Variants in SLC28A3 observed in about 807,000 individuals in gnomAD.
SLC28A3 encodes concentrative Na(+)-nucleoside cotransporter 3.
A neutral mutation model predicts 84.2 loss-of-function variants in SLC28A3; 68 were observed. The ratio of observed to expected loss-of-function variants is 0.81; its 90% CI spans 0.66 to 0.99. The LOEUF (loss-of-function observed/expected upper bound fraction) is 0.99, where lower values mean the gene tolerates loss of function less well. SLC28A3 is among the 50% of genes least tolerant of loss of function. The pLI is 0.00. For missense variants in SLC28A3, 712 were observed against 841.5 expected (o/e 0.85, Z 1.90); for synonymous variants, 267 against 303.6 (o/e 0.88, Z 1.25).
the SLC28A3 span, among the ~76,000 whole-genome samples, chr9:84,352,514 T>C: frequency 6.6e-6 from 1 of 152,074 alleles, no homozygotes; most frequent in Non-Finnish European, 1.5e-5. Context: ...AGAGTTGAGA[T>C]GGATTTATAT....
chr9:84,312,503 C>G (rs957693486), intron 2 of SLC28A3, among the ~76,000 whole-genome samples: 1 of 151,014 alleles, frequency 6.6e-6, no homozygotes, highest in African/African-American at 2.4e-5. Context: ...CACGAGAAAA[C>G]TCCTCACAAA....
chr9:84,323,670 C>T (rs1328329742), intron 1 of SLC28A3, among the ~76,000 whole-genome samples: 1 of 151,912 alleles, frequency 6.6e-6, no homozygotes, highest in Non-Finnish European at 1.5e-5. Flanking sequence ...TGATCCGACC[C>T]CCTCAGCCTC....
chr9:84,319,954 G>A (rs1047211511), intron 1 of SLC28A3, among the ~76,000 whole-genome samples: 9 of 150,432 alleles, frequency 6.0e-5, no homozygotes, highest in Admixed American at 3.3e-4. Context: ...TTGCCCTGCA[G>A]CCAAAAATTC....
At chr9:84,313,056 G>A (rs1008701511) in intron 2 of SLC28A3, among the ~76,000 whole-genome samples, 2 of 152,186 alleles carry the variant, frequency 1.3e-5, no homozygotes, top group Non-Finnish European at 2.9e-5. Context: ...TGTCATTTAC[G>A]TTAAAGCTCA....
At chr9:84,323,996 C>T (rs1212962742) in intron 1 of SLC28A3, among the ~76,000 whole-genome samples, 1 of 152,198 alleles carries the variant, frequency 6.6e-6, no homozygotes, top group Non-Finnish European at 1.5e-5. Context: ...TCCTCTCCTA[C>T]TTCTTTCTTC....
At chr9:84,301,850 C>G (rs998228869) in intron 5 of SLC28A3, among the ~76,000 whole-genome samples, 1 of 152,164 alleles carries the variant, frequency 6.6e-6, no homozygotes, top group Non-Finnish European at 1.5e-5. Context: ...TTCACTCTAT[C>G]CTATATTTCT....
At chr9:84,303,923 CA>C (rs1037451670) in intron 4 of SLC28A3, among the ~76,000 whole-genome samples, 8 of 152,164 alleles carry the variant, frequency 5.3e-5, no homozygotes, top group African/African-American at 1.9e-4. Flanking sequence ...TATGCTTAGC[CA>C]ATCCTTTCAG....
chr9:84,294,329 G>T, intron 8 of SLC28A3, 54 bp from the exon 9 acceptor site: 1 of 1,561,318 alleles, frequency 6.4e-7, no homozygotes, highest in Non-Finnish European at 8.8e-7. Flanking sequence ...GCACCAGCAG[G>T]TTTTATATCA....
rs981735672 is a variant in SLC28A3 at position 84,284,088 on chromosome 9, C to T, written c.1647+1257G>A. ...TAATAACCTTTCCACAAAATTGCTT[C>T]GTGCTGCCAGAACGCAGAGCCCGGT... On this transcript the variant is annotated intron_variant, in intron 14 of 17. Transcript: ENST00000376238. Among the ~76,000 whole-genome samples, 8 of 152,282 alleles carry T rather than the reference C, an allele frequency of 5.3e-5. No homozygotes were observed. In the East Asian group the frequency reaches 9.6e-4, roughly 18 times the overall value.
chr9:84,352,721 C>A, the SLC28A3 span, among the ~76,000 whole-genome samples: 1 of 151,276 alleles, frequency 6.6e-6, no homozygotes, highest in Non-Finnish European at 1.5e-5. Context: ...CCTGTCTCTA[C>A]TAAAAATCAA....
chr9:84,321,742 A>G (rs1372999643), intron 1 of SLC28A3, among the ~76,000 whole-genome samples: 2 of 144,594 alleles, frequency 1.4e-5, no homozygotes, highest in African/African-American at 5.4e-5. Flanking sequence ...TCAAAAAAAA[A>G]AAAAAAAAAA....
Position 84,329,179 on chromosome 9 carries a change from T to C in SLC28A3, c.60+11395A>G, listed in dbSNP as rs942558457. Among the ~76,000 whole-genome samples, 32 of 152,294 alleles carry C rather than the reference T, an allele frequency of 2.1e-4. 1 individual carries two copies. Among genetic ancestry groups the C allele is most frequent in the African/African-American group, 7.7e-4 (32 of 41,574 alleles). On this transcript the variant is annotated intron_variant, in intron 1 of 17. Transcript: ENST00000376238. ...AAGGGTCAATTTATCAAAGAGCTAT[T>C]GTTAACATATATGTATATAATAAAA...
intron 14 of SLC28A3, among the ~76,000 whole-genome samples, chr9:84,284,610 A>G (rs192800982): frequency 9.2e-5 from 14 of 152,348 alleles, no homozygotes; most frequent in Admixed American, 8.5e-4. Context: ...CATTTCCTTA[A>G]GAGTTTCCAG....
intron 1 of SLC28A3, among the ~76,000 whole-genome samples, chr9:84,314,983 A>G (rs1420310517): frequency 6.6e-6 from 1 of 152,206 alleles, no homozygotes; most frequent in Non-Finnish European, 1.5e-5. Flanking sequence ...AGGCTGAGGC[A>G]GGAGAATTGC....
the SLC28A3 span, among the ~76,000 whole-genome samples, chr9:84,366,210 A>G: frequency 3.3e-5 from 5 of 151,910 alleles, no homozygotes; most frequent in Non-Finnish European, 7.4e-5. Flanking sequence ...TGCCAGTTGC[A>G]TTTTTCAGCT....
chr9:84,309,709 T>G lies in SLC28A3; in HGVS notation c.162A>C (p.Glu54Asp), dbSNP rs1825926108. ...AATCCTGCTCAACTGTGACCTGTTC[T>G]TCATCCTGGAAATCAAACATTGGAG... ...SREHTNTKQDEEQVTVEQDSP... is the reference protein window; with the variant it reads ...SREHTNTKQDDEQVTVEQDSP... The change falls in exon 3 of 18, where the codon GAA (glutamate) becomes GAC (aspartate). Residue 54 changes from glutamate (E) to aspartate (D), a missense_variant. Coordinates refer to ENST00000376238, the MANE Select transcript of SLC28A3 (RefSeq NM_001199633.2). 1 of 1,613,620 alleles carries G rather than the reference T, an allele frequency of 6.2e-7. No individual in the cohort carries two copies.
chr9:84,362,277 G>C, the SLC28A3 span, among the ~76,000 whole-genome samples: 2 of 152,208 alleles, frequency 1.3e-5, no homozygotes, highest in African/African-American at 4.8e-5. Context: ...GATGCTACTG[G>C]ACACACAAGT....
At chr9:84,330,865 G>A (rs1826757940) in intron 1 of SLC28A3, among the ~76,000 whole-genome samples, 1 of 152,168 alleles carries the variant, frequency 6.6e-6, no homozygotes, top group African/African-American at 2.4e-5. Context: ...TAATGGGCTT[G>A]CAGAAAAGTT....
upstream of SLC28A3, among the ~76,000 whole-genome samples, chr9:84,343,997 G>T (rs1451415989): frequency 6.6e-6 from 1 of 152,028 alleles, no homozygotes; most frequent in African/African-American, 2.4e-5. Flanking sequence ...AGGCTGAGGT[G>T]GGAAGACTTA....
Sources: allele counts gnomAD v4.1 joint callset (sites outside exome capture counted in the v4.1 genomes callset), GRCh38; gene constraint gnomAD v4.1.1; transcripts MANE v1.5; gene names NCBI Gene and HGNC (gene_info 2026-07-23, HGNC 2026-07-21).